EFHB: variants seen among roughly 807,000 people sequenced by gnomAD.
EFHB encodes the protein EF-hand domain-containing family member B.
Under a neutral mutation model 87.2 loss-of-function variants are expected in EFHB, and 91 were observed. The ratio of observed to expected loss-of-function variants is 1.04; its 90% CI spans 0.88 to 1.24. EFHB has a LOEUF of 1.24. Ranked by LOEUF, EFHB falls within the 50% of genes most tolerant of loss-of-function variation. EFHB has a pLI of 0.00. For missense variants in EFHB, 1,084 were observed against 998.8 expected (o/e 1.09, Z -1.15); for synonymous variants, 325 against 333.6 (o/e 0.97, Z 0.28).
chr3:19,929,745 T>C (rs1383466403), intron 1 of EFHB, among the ~76,000 whole-genome samples: 3 of 150,218 alleles, frequency 2.0e-5, no homozygotes, highest in Non-Finnish European at 1.5e-5. Context: ...GGCTTAAATA[T>C]TTTTTATCAT....
At chr3:19,907,897 T>C (rs1261170311) in intron 5 of EFHB, among the ~76,000 whole-genome samples, 1 of 152,144 alleles carries the variant, frequency 6.6e-6, no homozygotes, top group Non-Finnish European at 1.5e-5. Context: ...ATAAAGAAGA[T>C]TGGCTGAGCT....
At chr3:19,921,105 G>A (rs2125153280) in intron 1 of EFHB, among the ~76,000 whole-genome samples, 1 of 152,288 alleles carries the variant, frequency 6.6e-6, no homozygotes, top group South Asian at 2.1e-4. Flanking sequence ...TTCCCATAGT[G>A]TTCTGGGTCT....
intron 1 of EFHB, among the ~76,000 whole-genome samples, chr3:19,946,668 T>C (rs541093130): frequency 7.9e-5 from 12 of 152,242 alleles, no homozygotes; most frequent in African/African-American, 2.6e-4. Flanking sequence ...GGCCATTTTG[T>C]GGGAGGAGGT....
At chr3:19,937,754 G>A (rs1407438855), upstream of EFHB, among the ~76,000 whole-genome samples, 1 of 151,988 alleles carries the variant, frequency 6.6e-6, no homozygotes, top group Non-Finnish European at 1.5e-5. Flanking sequence ...CTCTCTCTCA[G>A]ACATACACAC....
At chr3:19,933,176 T>G (rs1695886873) in intron 1 of EFHB, 54 bp downstream of exon 1, 1 of 1,511,974 alleles carries the variant, frequency 6.6e-7, no homozygotes, top group South Asian at 1.3e-5. Context: ...ATCATCTCAA[T>G]AAAGACATGG....
In EFHB at chr3:19,879,713, C is replaced by A. The variant is rs772345356; in HGVS notation, c.2420G>T (p.Gly807Val). 7.4e-6 allele frequency: 12 copies of A among 1,610,840 alleles called. No individual in the cohort carries two copies. The highest frequency in any genetic ancestry group is 9.3e-6 in the Non-Finnish European group (11 of 1,179,104). The change falls in exon 13 of 13, where the codon GGA becomes GTA. Residue 807 changes from glycine (G) to valine (V), a missense_variant. Coordinates refer to ENST00000295824, the MANE Select transcript of EFHB (RefSeq NM_144715.4). ...WNLASKKHHR[G>V]EVCVENIRNV... The stretch of plus-strand genomic sequence containing the variant: ...TCTGATGTTCTCAACACAAACTTCT[C>A]CTCTGTGATGCTTTTTTGATGCAAG...
intron 6 of EFHB, among the ~76,000 whole-genome samples, chr3:19,900,450 G>C (rs1694632560): frequency 6.6e-6 from 1 of 152,084 alleles, no homozygotes; most frequent in Non-Finnish European, 1.5e-5. Flanking sequence ...AGCATATGGA[G>C]AGAGAAAGAA....
chr3:19,928,704 C>G (rs905194560), intron 1 of EFHB, among the ~76,000 whole-genome samples: 2 of 152,166 alleles, frequency 1.3e-5, no homozygotes, highest in Admixed American at 1.3e-4. Context: ...CTTGGCCTCC[C>G]AAAGCACTGG....
chr3:19,920,444 T>C, intron 2 of EFHB, 61 bp downstream of exon 2: 4 of 1,378,500 alleles, frequency 2.9e-6, no homozygotes, highest in Non-Finnish European at 4.0e-6. Context: ...GAGTTGCCTA[T>C]TCCTTAATGT....
intron 3 of EFHB, 56 bp downstream of exon 3, chr3:19,919,777 T>C (rs1695372149): frequency 6.5e-7 from 1 of 1,540,918 alleles, no homozygotes; most frequent in Non-Finnish European, 8.9e-7. Context: ...ACCTGATTTG[T>C]GCATTTTCAC....
upstream of EFHB, among the ~76,000 whole-genome samples, chr3:19,934,457 G>C (rs940870023): frequency 9.2e-6 from 1 of 108,150 alleles, no homozygotes; most frequent in Non-Finnish European, 1.9e-5. Context: ...CTCCCTCTCT[G>C]TGTGTCTCTC....
intron 5 of EFHB, among the ~76,000 whole-genome samples, chr3:19,908,562 A>AAGAGAGAGAGAGAGAG (rs71624361): frequency 1.7e-4 from 14 of 83,892 alleles, no homozygotes; most frequent in South Asian, 1.1e-3. Flanking sequence ...GAAAGAGAGA[A>AAGAGAGAGAGAGAGAG]AGAGAGAGAG....
intron 5 of EFHB, among the ~76,000 whole-genome samples, chr3:19,908,402 G>A (rs184946897): frequency 1.3e-4 from 19 of 151,814 alleles, no homozygotes; most frequent in African/African-American, 3.4e-4. Context: ...GCATGGTGGC[G>A]GGCGCCTGTA....
In EFHB at chr3:19,933,547, C is replaced by T; in HGVS notation, c.472G>A (p.Val158Met). ...ASGPEGVEEL[V>M]GKPAFVMEPR... Reference sequence around the variant, plus strand: ...TCCATAACGAAAGCAGGCTTTCCCACTAATTCCTCTACCCCTTCAGGGCCA... The same window carrying T: ...TCCATAACGAAAGCAGGCTTTCCCATTAATTCCTCTACCCCTTCAGGGCCA... Residue 158 changes from valine to methionine, a missense_variant, in exon 1 of 13, where the codon GTG becomes ATG. Physicochemically the swap from Val to Met is conservative, Grantham distance 21. Coordinates refer to ENST00000295824, the MANE Select transcript of EFHB (RefSeq NM_144715.4). 1.2e-6 allele frequency: 2 copies of T among 1,614,012 alleles called. No individual in the cohort carries two copies. Among genetic ancestry groups the T allele is most frequent in the African/African-American group, 1.3e-5 (1 of 75,046 alleles).
At chr3:19,905,961 C>T (rs140227000) in intron 5 of EFHB, among the ~76,000 whole-genome samples, 375 of 152,260 alleles carry the variant, frequency 2.5e-3, no homozygotes, top group Non-Finnish European at 4.2e-3. Flanking sequence ...CACAACAATA[C>T]GTTGTGTTAA....
intron 2 of EFHB, 82 bp from the exon 3 acceptor site, chr3:19,920,058 CAA>C: frequency 1.4e-6 from 2 of 1,464,082 alleles, no homozygotes; most frequent in Non-Finnish European, 1.9e-6. Flanking sequence ...AATCAACCAA[CAA>C]CCTTAAGTGC....
intron 6 of EFHB, among the ~76,000 whole-genome samples, chr3:19,902,373 G>C (rs1302531322): frequency 6.6e-6 from 1 of 151,912 alleles, no homozygotes; most frequent in African/African-American, 2.4e-5. Context: ...TTTGTTTTTT[G>C]AGACAGAGTC....
At chr3:19,880,018 GTTA>G (rs1248523551) in intron 12 of EFHB, among the ~76,000 whole-genome samples, 2 of 151,960 alleles carry the variant, frequency 1.3e-5, no homozygotes, top group Non-Finnish European at 2.9e-5. Flanking sequence ...GAATAATTTT[GTTA>G]TTATAATATG....
chr3:19,945,198 C>T (rs1028630592), intron 1 of EFHB, among the ~76,000 whole-genome samples: 1 of 152,134 alleles, frequency 6.6e-6, no homozygotes, highest in South Asian at 2.1e-4. Flanking sequence ...TCAGGGAACA[C>T]AGACCAGATA....
Sources: gnomAD v4.1 joint callset for allele counts (sites outside exome capture counted in the v4.1 genomes callset) on GRCh38, gnomAD v4.1.1 for gene constraint, MANE v1.5 for transcripts, NCBI Gene and HGNC (gene_info 2026-07-23, HGNC 2026-07-21) for gene names.